The following CCSER1 variants were observed in gnomAD, a reference collection of about 807,000 sequenced individuals.
CCSER1 encodes coiled-coil serine rich protein 1.
A neutral mutation model predicts 82.0 loss-of-function variants in CCSER1; 41 were observed. The observed-to-expected ratio is 0.50, with a 90% CI of 0.39 to 0.65. CCSER1 has a LOEUF of 0.65. Ranked by LOEUF, CCSER1 falls within the 30% of genes least tolerant of loss-of-function variation. The pLI is 0.00. For missense variants in CCSER1, 1,119 were observed against 1,064.2 expected, an observed-to-expected ratio of 1.05 and a Z score of -0.72; for synonymous variants, 414 against 383.9, an observed-to-expected ratio of 1.08 and a Z score of -0.92.
In CCSER1 at chr4:90,919,089, T is replaced by TAA. The variant is rs71596538; in HGVS notation, c.2095-4258_2095-4257dup. On this transcript the variant is annotated intron_variant, in intron 8 of 10. Transcript: ENST00000509176. ...AAGTAATCTTAAATTGTTTCCACAGTAAAAAAAAAAAAAAAAAAAAAAAAG... is the reference window on the plus strand; with the variant it reads ...AAGTAATCTTAAATTGTTTCCACAGTAAAAAAAAAAAAAAAAAAAAAAAAAAG... 9.7e-3 allele frequency among the ~76,000 whole-genome samples: 844 copies of TAA among 87,158 alleles called. 18 individuals are homozygous for TAA. The highest frequency in any genetic ancestry group is 0.027 in the African/African-American group (729 of 27,176). 57.2% of individuals were successfully genotyped at this position (87,158 alleles called of 152,430 possible).
chr4:90,695,469 T>C (rs920300266), intron 6 of CCSER1, among the ~76,000 whole-genome samples: 1 of 152,066 alleles, frequency 6.6e-6, no homozygotes, highest in African/African-American at 2.4e-5. Context: ...AAGCCCTCAT[T>C]ATTACTTTAC....
chr4:91,400,028 T>C (rs143070364), intron 10 of CCSER1, among the ~76,000 whole-genome samples: 137 of 152,134 alleles, frequency 9.0e-4, no homozygotes, highest in African/African-American at 3.1e-3. Flanking sequence ...CACAACAAAT[T>C]ATTGCCTTGA....
chr4:90,819,016 T>A (rs1043719155), intron 8 of CCSER1, among the ~76,000 whole-genome samples: 7 of 152,198 alleles, frequency 4.6e-5, no homozygotes, highest in African/African-American at 1.7e-4. Context: ...AACTAAAGTC[T>A]ATTTGTCAGA....
intron 10 of CCSER1, among the ~76,000 whole-genome samples, chr4:91,216,455 G>T (rs977426149): frequency 2.6e-5 from 4 of 152,208 alleles, no homozygotes; most frequent in African/African-American, 9.6e-5. Flanking sequence ...GAATAGCTGG[G>T]ACTACAGGTG....
chr4:91,022,522 C>T (rs560622214), intron 9 of CCSER1, among the ~76,000 whole-genome samples: 12 of 152,218 alleles, frequency 7.9e-5, no homozygotes, highest in Non-Finnish European at 1.3e-4. Context: ...TGGGTATATA[C>T]CCAGTAATGG....
intron 10 of CCSER1, among the ~76,000 whole-genome samples, chr4:91,551,572 G>A (rs1475497747): frequency 2.0e-5 from 3 of 151,348 alleles, no homozygotes; most frequent in Admixed American, 6.6e-5. Context: ...AATTTATGAC[G>A]AAAGCTGAGC....
intron 9 of CCSER1, among the ~76,000 whole-genome samples, chr4:90,975,957 G>A (rs1024239295): frequency 2.0e-5 from 3 of 151,154 alleles, no homozygotes; most frequent in African/African-American, 4.9e-5. Flanking sequence ...AATTTAGAGT[G>A]GGTAACATGT....
chr4:90,837,366 A>T (rs552680233), intron 8 of CCSER1, among the ~76,000 whole-genome samples: 1 of 152,286 alleles, frequency 6.6e-6, no homozygotes, highest in African/African-American at 2.4e-5. Flanking sequence ...TTAGCTTCTC[A>T]CTATTCACAA....
intron 5 of CCSER1, among the ~76,000 whole-genome samples, chr4:90,518,243 T>G (rs1013264206): frequency 4.6e-5 from 7 of 152,094 alleles, no homozygotes; most frequent in African/African-American, 1.7e-4. Context: ...AAGCTTAATT[T>G]CAGCCCTGAT....
At chr4:90,492,146 C>T (rs887775424) in intron 5 of CCSER1, among the ~76,000 whole-genome samples, 11 of 152,052 alleles carry the variant, frequency 7.2e-5, no homozygotes, top group African/African-American at 2.7e-4. Context: ...CTGTCTGGTC[C>T]TGGACTTTTT....
intron 9 of CCSER1, among the ~76,000 whole-genome samples, chr4:91,074,643 A>G (rs1412106328): frequency 6.6e-6 from 1 of 152,188 alleles, no homozygotes; most frequent in East Asian, 1.9e-4. Flanking sequence ...CAAGTCCCCA[A>G]ACTGACACTT....
intron 1 of CCSER1, among the ~76,000 whole-genome samples, chr4:90,159,010 G>C (rs193010034): frequency 2.6e-5 from 4 of 152,068 alleles, no homozygotes; most frequent in Admixed American, 2.6e-4. Context: ...GTTCCTATTC[G>C]GCCATCTTGG....
intron 1 of CCSER1, among the ~76,000 whole-genome samples, chr4:90,297,373 T>G (rs892490099): frequency 3.3e-5 from 5 of 151,724 alleles, no homozygotes; most frequent in African/African-American, 1.2e-4. Flanking sequence ...AAGTTGCTTA[T>G]CAGCTTAAGG....
chr4:91,364,724 G>C (rs1405567046), intron 10 of CCSER1, among the ~76,000 whole-genome samples: 1 of 151,960 alleles, frequency 6.6e-6, no homozygotes, highest in Non-Finnish European at 1.5e-5. Flanking sequence ...CCTGTCCTTT[G>C]TGGAAAGATT....
In CCSER1 at chr4:91,152,562, C is replaced by A. The variant is rs900563040; in HGVS notation, c.2217+66568C>A. On this transcript the variant is annotated intron_variant, in intron 10 of 10. Coordinates refer to ENST00000509176, the MANE Select transcript of CCSER1 (RefSeq NM_001145065.2). ...ATGTGTGAATTTGATCCTGTCATTA[C>A]AATGTCAGCTGGTCATTTTGCTCAT... 4.6e-5 allele frequency among the ~76,000 whole-genome samples: 7 copies of A among 152,276 alleles called. No homozygotes were observed. The East Asian group carries it at 1.4e-3, about 29-fold the overall frequency.
intron 10 of CCSER1, among the ~76,000 whole-genome samples, chr4:91,320,584 A>T (rs930016623): frequency 3.3e-5 from 5 of 152,024 alleles, no homozygotes; most frequent in African/African-American, 1.2e-4. Context: ...GAGTGCTGTC[A>T]TTTCCTTTCA....
chr4:90,269,785 C>T (rs1725915881), intron 1 of CCSER1, among the ~76,000 whole-genome samples: 1 of 151,368 alleles, frequency 6.6e-6, no homozygotes, highest in Non-Finnish European at 1.5e-5. Flanking sequence ...AACCTTTAGC[C>T]TGACTAAGAA....
At chr4:90,630,270 A>C (rs546207150) in intron 6 of CCSER1, among the ~76,000 whole-genome samples, 1 of 152,214 alleles carries the variant, frequency 6.6e-6, no homozygotes, top group Non-Finnish European at 1.5e-5. Context: ...ATATTAGAAG[A>C]TACTAGTCTC....
chr4:90,937,969 TTC>T (rs1357918410), intron 9 of CCSER1, among the ~76,000 whole-genome samples: 1 of 152,174 alleles, frequency 6.6e-6, no homozygotes, highest in African/African-American at 2.4e-5. Context: ...GGCTCATCCT[TTC>T]ATATATTCAT....
Sources: allele counts gnomAD v4.1 joint callset (sites outside exome capture counted in the v4.1 genomes callset), GRCh38; gene constraint gnomAD v4.1.1; transcripts MANE v1.5; gene names NCBI Gene and HGNC (gene_info 2026-07-23, HGNC 2026-07-21).